C5orf34: variants seen among roughly 807,000 people sequenced by gnomAD.
C5orf34 encodes chromosome 5 open reading frame 34, also known as uncharacterized protein C5orf34.
A neutral mutation model predicts 78.4 loss-of-function variants in C5orf34; 73 were observed. The ratio of observed to expected loss-of-function variants is 0.93; its 90% CI spans 0.77 to 1.13. The LOEUF (loss-of-function observed/expected upper bound fraction) is 1.13. Ranked by LOEUF, C5orf34 falls within the 50% of genes most tolerant of loss-of-function variation. The pLI, the probability that C5orf34 is intolerant of heterozygous loss-of-function variation, is 0.00. For synonymous variants in C5orf34, 251 were observed against 246.6 expected (o/e 1.02, Z -0.17); for missense variants, 730 against 732.7 (o/e 1.00, Z 0.04).
rs149303147 is a variant in C5orf34, at chr5:43,507,868, G to A, written c.285+709C>T. Reference sequence around the variant, plus strand: ...CTGAGGCGGGCGGATCACGAGGTCAGGAGATCGAGACCATGCTGGCTAACA... The same window carrying A: ...CTGAGGCGGGCGGATCACGAGGTCAAGAGATCGAGACCATGCTGGCTAACA... On this transcript the variant is annotated intron_variant, in intron 3 of 12. Coordinates refer to ENST00000306862, the MANE Select transcript of C5orf34 (RefSeq NM_198566.4). Among the ~76,000 whole-genome samples, 906 of 152,124 alleles carry A rather than the reference G, an allele frequency of 6.0e-3. 9 individuals carry two copies. Among genetic ancestry groups the A allele is most frequent in the Middle Eastern group, 0.014 (4 of 294 alleles).
At chr5:43,503,039 T>C (rs1022218386) in intron 5 of C5orf34, among the ~76,000 whole-genome samples, 2 of 152,226 alleles carry the variant, frequency 1.3e-5, no homozygotes, top group Non-Finnish European at 2.9e-5. Flanking sequence ...TGTTAGAATA[T>C]GTTGTTAGAA....
intron 1 of C5orf34, among the ~76,000 whole-genome samples, chr5:43,510,585 C>G (rs375259598): frequency 6.6e-6 from 1 of 152,218 alleles, no homozygotes; most frequent in Non-Finnish European, 1.5e-5. Context: ...TGATTGCAGG[C>G]GCGCGCTGCC....
At chr5:43,500,199 G>T (rs1432556213) in intron 6 of C5orf34, among the ~76,000 whole-genome samples, 5 of 152,268 alleles carry the variant, frequency 3.3e-5, no homozygotes, top group African/African-American at 9.6e-5. Context: ...CCTGATGCAA[G>T]TAGTAAAGTT....
intron 5 of C5orf34, among the ~76,000 whole-genome samples, chr5:43,503,323 T>C (rs190313805): frequency 3.3e-5 from 5 of 152,346 alleles, no homozygotes. Context: ...AGCAATTCTG[T>C]TTTGACTATT....
In C5orf34 at chr5:43,505,971, A is replaced by G. The variant is rs141125102; in HGVS notation, c.709T>C (p.Trp237Arg). 59 of 1,614,062 alleles carry G rather than the reference A, an allele frequency of 3.7e-5. No individual in the cohort carries two copies. The highest frequency in any genetic ancestry group is 4.7e-5 in the Non-Finnish European group (55 of 1,180,028). ...GCCACAGACCAGCACTGCTTGACCCATGTGTATACACATGTGTGCTTTGTA... is the reference window on the plus strand; with the variant it reads ...GCCACAGACCAGCACTGCTTGACCCGTGTGTATACACATGTGTGCTTTGTA... ...PGTKHTCVYT[W>R]VKQCWSVAAC... is the part of the protein sequence containing the mutation. The change falls in exon 4 of 13, where the codon TGG becomes CGG. Residue 237 changes from tryptophan to arginine, a missense_variant. Physicochemically the swap from Trp to Arg is moderately radical, Grantham distance 101. Transcript: ENST00000306862.
chr5:43,510,338 G>A (rs1399737960), intron 1 of C5orf34, among the ~76,000 whole-genome samples: 3 of 152,134 alleles, frequency 2.0e-5, no homozygotes, highest in African/African-American at 7.2e-5. Flanking sequence ...TCTGCATTCA[G>A]TTTCTTCTTC....
chr5:43,493,659 C>T lies in C5orf34; in HGVS notation c.1245-47G>A, dbSNP rs1385818036. On this transcript the variant is annotated intron_variant, in intron 7 of 12. Coordinates refer to ENST00000306862, the MANE Select transcript of C5orf34 (RefSeq NM_198566.4). Reference sequence around the variant, plus strand: ...CTTAAACATTTGCAAATGACATTTTCCAATTCTAGCAACCCATTTTCACTG... The same window carrying T: ...CTTAAACATTTGCAAATGACATTTTTCAATTCTAGCAACCCATTTTCACTG... 3 of 1,125,302 alleles carry T rather than the reference C, an allele frequency of 2.7e-6. No individual in the cohort carries two copies. The African/African-American group carries it at 4.8e-5, about 18-fold the overall frequency. 69.7% of individuals were successfully genotyped at this position (1,125,302 alleles called of 1,614,324 possible).
At chr5:43,497,723 C>T (rs1371588741) in intron 6 of C5orf34, among the ~76,000 whole-genome samples, 1 of 152,158 alleles carries the variant, frequency 6.6e-6, no homozygotes, top group East Asian at 1.9e-4. Context: ...ATAATAGGTA[C>T]CAAACAAAAG....
At chr5:43,508,550 T>C in intron 3 of C5orf34, 27 bp downstream of exon 3, 1 of 1,325,006 alleles carries the variant, frequency 7.5e-7, no homozygotes, top group Non-Finnish European at 1.1e-6. Flanking sequence ...CAAATAATAC[T>C]AACAAAAATG....
intron 4 of C5orf34, 170 bp downstream of exon 4, chr5:43,505,577 TA>T: frequency 3.3e-6 from 2 of 603,652 alleles, no homozygotes; most frequent in Non-Finnish European, 2.8e-6. Flanking sequence ...GGACACAGAG[TA>T]AAAAACATAA....
In C5orf34 at chr5:43,506,229, C is replaced by T; in HGVS notation, c.451G>A (p.Val151Ile). The T allele has an allele frequency of 6.2e-7, 1 of 1,614,164 alleles. No individual in the cohort carries two copies. The highest frequency in any genetic ancestry group is 1.3e-5 in the African/African-American group (1 of 75,036). Residue 151 changes from valine to isoleucine, a missense_variant, in exon 4 of 13, where the codon GTT (valine) becomes ATT (isoleucine). Transcript: ENST00000306862. ...GCAGATGAGTCTGACTTCTGGCTAACTTTACACAAAAAATGTACTGTAAAT... is the reference window on the plus strand; with the variant it reads ...GCAGATGAGTCTGACTTCTGGCTAATTTTACACAAAAAATGTACTGTAAAT... ...HEFTVHFLCK[V>I]SQKSDSSAVL...
Position 43,502,434 on chromosome 5 carries a change from A to C in C5orf34, c.1090T>G (p.Ser364Ala). Residue 364 changes from serine (S) to alanine (A), a missense_variant, in exon 6 of 13, where the codon TCA (serine) becomes GCA (alanine). Physicochemically the swap from Ser to Ala is moderately conservative, Grantham distance 99. Transcript: ENST00000306862. ...TAGTTCCCAAAATAAGCCCCTTCTG[A>C]TTTGAAAACAGATCCATCCCCAGAA... The part of the protein sequence containing the change: ...IYSGDGSVFK[S>A]EGAYFGNYFT... 1.9e-6 allele frequency: 3 copies of C among 1,594,508 alleles called. No individual in the cohort carries two copies. The South Asian group carries it at 3.3e-5, about 18-fold the overall frequency.
At chr5:43,495,317 C>T (rs1346281432) in intron 6 of C5orf34, 21 of 1,611,384 alleles carry the variant, frequency 1.3e-5, no homozygotes, top group East Asian at 2.2e-5. Context: ...ACCAGAACCG[C>T]GATCAATCTT....
rs1274205090 is a variant in C5orf34 at position 43,492,355 on chromosome 5, A to C, written c.1486-46T>G. ...GTTTTATCATTTTAGAACTGAAAAA[A>C]AGAACATAAACAACCTATTCTAACT... On this transcript the variant is annotated intron_variant, in intron 9 of 12. Coordinates refer to ENST00000306862, the MANE Select transcript of C5orf34 (RefSeq NM_198566.4). The C allele has an allele frequency of 2.4e-6, 3 of 1,247,646 alleles. No homozygotes were observed. The East Asian group carries it at 7.0e-5, about 29-fold the overall frequency. The allele number at this position is 1,247,646 out of a possible 1,614,324, so 77.3% of individuals were successfully genotyped here.
intron 1 of C5orf34, among the ~76,000 whole-genome samples, chr5:43,510,674 C>G (rs548288321): frequency 2.0e-5 from 3 of 152,194 alleles, no homozygotes; most frequent in African/African-American, 7.2e-5. Flanking sequence ...AGCTCCTAAC[C>G]GCGAGTGATC....
intron 1 of C5orf34, among the ~76,000 whole-genome samples, chr5:43,511,617 A>T (rs571812747): frequency 6.6e-6 from 1 of 152,334 alleles, no homozygotes; most frequent in South Asian, 2.1e-4. Flanking sequence ...AAGATAGAGA[A>T]ATCAGATTGT....
Position 43,502,615 on chromosome 5 carries a change from T to C in C5orf34, c.1029-120A>G, listed in dbSNP as rs184564229. 1,769 of 635,248 alleles carry C rather than the reference T, an allele frequency of 2.8e-3. 21 individuals carry two copies. The highest frequency in any genetic ancestry group is 0.018 in the South Asian group (874 of 49,540). The allele number at this position is 635,248 out of a possible 1,614,324, so 39.4% of individuals were successfully genotyped here. ...AGCAAAACAACACAGTCTTTTTGCC[T>C]GTCCAGTGAAGCAGATAATTTCATA... On this transcript the variant is annotated intron_variant, in intron 5 of 12. Transcript: ENST00000306862.
chr5:43,493,652 A>C (rs752894867), intron 7 of C5orf34, 40 bp from the exon 8 acceptor site: 7 of 1,226,348 alleles, frequency 5.7e-6, no homozygotes, highest in Non-Finnish European at 8.1e-6. Flanking sequence ...TTTGCAAATG[A>C]CATTTTCCAA....
intron 5 of C5orf34, 79 bp from the exon 6 acceptor site, chr5:43,502,574 G>GT (rs1745808821): frequency 1.2e-6 from 1 of 824,708 alleles, no homozygotes; most frequent in Non-Finnish European, 2.0e-6. Flanking sequence ...TCAAAAAACA[G>GT]TAACAACAAA....
Sources: gnomAD v4.1 joint callset for allele counts (sites outside exome capture counted in the v4.1 genomes callset) on GRCh38, gnomAD v4.1.1 for gene constraint, MANE v1.5 for transcripts, NCBI Gene and HGNC (gene_info 2026-07-23, HGNC 2026-07-21) for gene names.